Variants in AFG2A observed in about 807,000 individuals in gnomAD.
The protein encoded by AFG2A is AAA ATPase AFG2A.
At chr4:122,943,738 C>G in the AFG2A span, among the ~76,000 whole-genome samples, 1 of 152,204 alleles carries the variant, frequency 6.6e-6, no homozygotes. Flanking sequence ...TCTCAATGGT[C>G]TTTACATTTT....
At chr4:123,041,104 T>G in the AFG2A span, among the ~76,000 whole-genome samples, 1 of 151,108 alleles carries the variant, frequency 6.6e-6, no homozygotes, top group Non-Finnish European at 1.5e-5. Context: ...TTTATAATTT[T>G]TTATTTATTA....
the AFG2A span, among the ~76,000 whole-genome samples, chr4:123,052,104 A>G: frequency 6.6e-6 from 1 of 151,966 alleles, no homozygotes; most frequent in Admixed American, 6.6e-5. Flanking sequence ...ATGTTGTCTC[A>G]TAGCTCCCAT....
At chr4:123,231,462 G>A in the AFG2A span, among the ~76,000 whole-genome samples, 5 of 151,890 alleles carry the variant, frequency 3.3e-5, no homozygotes, top group Admixed American at 6.6e-5. Context: ...TTTGGATTAG[G>A]CTTTGGCTTC....
the AFG2A span, among the ~76,000 whole-genome samples, chr4:123,026,129 GTGTGTGTA>G: frequency 1.0e-5 from 1 of 96,360 alleles, no homozygotes; most frequent in Admixed American, 1.1e-4. Flanking sequence ...GTGTGTGTGT[GTGTGTGTA>G]TGTGTGTCTG....
the AFG2A span, among the ~76,000 whole-genome samples, chr4:123,107,896 C>A: frequency 3.9e-5 from 6 of 152,356 alleles, no homozygotes; most frequent in East Asian, 1.2e-3. Flanking sequence ...CTGCCCAGAG[C>A]CTGCGCCACA....
At chr4:122,998,719 C>T in the AFG2A span, among the ~76,000 whole-genome samples, 3 of 152,162 alleles carry the variant, frequency 2.0e-5, no homozygotes, top group Non-Finnish European at 4.4e-5. Flanking sequence ...CATTGTTGGA[C>T]ATTTGGGTTG....
the AFG2A span, among the ~76,000 whole-genome samples, chr4:123,188,468 A>T: frequency 2.4e-4 from 37 of 152,214 alleles, no homozygotes; most frequent in Admixed American, 2.4e-3. Context: ...AGAATCTTTG[A>T]CTAGAAGGAG....
the AFG2A span, among the ~76,000 whole-genome samples, chr4:123,037,406 TA>T: frequency 6.6e-6 from 1 of 152,210 alleles, no homozygotes; most frequent in South Asian, 2.1e-4. Context: ...GTAATGCTAT[TA>T]AAAATAACTC....
the AFG2A span, among the ~76,000 whole-genome samples, chr4:123,097,101 C>T: frequency 6.6e-6 from 1 of 152,000 alleles, no homozygotes; most frequent in Non-Finnish European, 1.5e-5. Flanking sequence ...TCCCAAGTAG[C>T]TAAGATTATA....
At chr4:123,119,626 C>T in the AFG2A span, among the ~76,000 whole-genome samples, 1 of 152,110 alleles carries the variant, frequency 6.6e-6, no homozygotes, top group African/African-American at 2.4e-5. Context: ...AATTGATTGG[C>T]TAGATGTGCT....
the AFG2A span, among the ~76,000 whole-genome samples, chr4:122,993,647 T>C: frequency 6.6e-6 from 1 of 152,190 alleles, no homozygotes; most frequent in South Asian, 2.1e-4. Flanking sequence ...ATTTATGATA[T>C]ATGACAAAAA....
At chr4:123,207,006 A>G in the AFG2A span, among the ~76,000 whole-genome samples, 100 of 152,252 alleles carry the variant, frequency 6.6e-4, no homozygotes, top group Non-Finnish European at 1.0e-3. Context: ...AAGAATGTCT[A>G]CTTCAGTAAG....
the AFG2A span, among the ~76,000 whole-genome samples, chr4:123,004,570 C>G: frequency 6.6e-6 from 1 of 152,172 alleles, no homozygotes; most frequent in African/African-American, 2.4e-5. Flanking sequence ...TCTTGTAGTC[C>G]TGGAATGAAC....
At chr4:123,033,745 T>C in the AFG2A span, among the ~76,000 whole-genome samples, 1 of 152,236 alleles carries the variant, frequency 6.6e-6, no homozygotes, top group Non-Finnish European at 1.5e-5. Flanking sequence ...TTGGATTTAC[T>C]TCCTAACCTT....
chr4:122,978,822 A>G, the AFG2A span, among the ~76,000 whole-genome samples: 1,844 of 152,350 alleles, frequency 0.012, 42 homozygotes, highest in African/African-American at 0.041. Context: ...GGGTCATGAC[A>G]GTGGCTTGGC....
chr4:123,130,059 A>G, the AFG2A span, among the ~76,000 whole-genome samples: 2 of 152,112 alleles, frequency 1.3e-5, no homozygotes, highest in African/African-American at 4.8e-5. Context: ...CCCAGACTGA[A>G]GAGCAGTGGT....
chr4:123,242,519 A>G, the AFG2A span, among the ~76,000 whole-genome samples: 10 of 152,218 alleles, frequency 6.6e-5, no homozygotes, highest in Non-Finnish European at 1.5e-4. Context: ...TATTTAATAC[A>G]TGGTGCTGGG....
At chr4:123,257,759 G>A in the AFG2A span, among the ~76,000 whole-genome samples, 2 of 152,184 alleles carry the variant, frequency 1.3e-5, no homozygotes, top group African/African-American at 4.8e-5. Context: ...AGAGGAAGAC[G>A]AAGAAACCAT....
At chr4:123,313,400 C>G in the AFG2A span, among the ~76,000 whole-genome samples, 1 of 152,164 alleles carries the variant, frequency 6.6e-6, no homozygotes, top group African/African-American at 2.4e-5. Context: ...GGTAATACAT[C>G]AAAGGTTGAA....
Sources: gnomAD v4.1 joint callset for allele counts (sites outside exome capture counted in the v4.1 genomes callset) on GRCh38, gnomAD v4.1.1 for gene constraint, MANE v1.5 for transcripts, NCBI Gene and HGNC (gene_info 2026-07-23, HGNC 2026-07-21) for gene names.